DRC10: variants seen among roughly 807,000 people sequenced by gnomAD.
DRC10 encodes IQ domain-containing protein D.
chr12:113,207,794 C>A, the DRC10 span: 2 of 1,614,158 alleles, frequency 1.2e-6, no homozygotes, highest in East Asian at 2.2e-5. Flanking sequence ...CTGAGCCACC[C>A]TTCCTCCTCA....
At chr12:113,205,165 C>CTTA in the DRC10 span, among the ~76,000 whole-genome samples, 49 of 151,882 alleles carry the variant, frequency 3.2e-4, no homozygotes, top group Non-Finnish European at 6.0e-4. Flanking sequence ...ACCACATGGG[C>CTTA]TTATTTATAA....
At chr12:113,205,642 C>CA in the DRC10 span, among the ~76,000 whole-genome samples, 1 of 152,022 alleles carries the variant, frequency 6.6e-6, no homozygotes, top group African/African-American at 2.4e-5. Context: ...GTAATCCCAG[C>CA]ACTTTGGGAG....
At chr12:113,199,065 GT>G in the DRC10 span, among the ~76,000 whole-genome samples, 1 of 151,984 alleles carries the variant, frequency 6.6e-6, no homozygotes, top group Non-Finnish European at 1.5e-5. Flanking sequence ...AGCCTCCCAA[GT>G]AGCTGGGATT....
chr12:113,217,785 GC>G, the DRC10 span, among the ~76,000 whole-genome samples: 1 of 152,184 alleles, frequency 6.6e-6, no homozygotes, highest in Non-Finnish European at 1.5e-5. Flanking sequence ...ACCTTCCTTG[GC>G]CTCCCAAAGT....
chr12:113,211,564 G>A, the DRC10 span, among the ~76,000 whole-genome samples: 1 of 152,104 alleles, frequency 6.6e-6, no homozygotes, highest in East Asian at 1.9e-4. Context: ...AGGAGTTTGA[G>A]GATGCAGTGA....
At chr12:113,214,527 A>AAG in the DRC10 span, among the ~76,000 whole-genome samples, 2 of 151,518 alleles carry the variant, frequency 1.3e-5, no homozygotes, top group African/African-American at 4.8e-5. Flanking sequence ...AAAAAAAAAA[A>AAG]AGAGAAAAAA....
the DRC10 span, among the ~76,000 whole-genome samples, chr12:113,215,711 T>C: frequency 4.6e-5 from 7 of 152,218 alleles, no homozygotes; most frequent in Non-Finnish European, 7.3e-5. Context: ...TCTGGTTATA[T>C]CTAAGTGTAG....
At chr12:113,209,054 C>G in the DRC10 span, among the ~76,000 whole-genome samples, 1 of 152,156 alleles carries the variant, frequency 6.6e-6, no homozygotes. Context: ...GCCTCAGCCT[C>G]CTGAGCAGCT....
the DRC10 span, chr12:113,200,354 T>C: frequency 4.4e-6 from 3 of 681,928 alleles, no homozygotes; most frequent in Admixed American, 6.1e-5. Context: ...GTTTGTCCCC[T>C]GTCCCCAGGC....
chr12:113,207,624 C>T, the DRC10 span: 1 of 1,614,132 alleles, frequency 6.2e-7, no homozygotes, highest in Non-Finnish European at 8.5e-7. Flanking sequence ...CAATAAAATT[C>T]TGGGCTTCTG....
At chr12:113,205,316 T>C in the DRC10 span, among the ~76,000 whole-genome samples, 2 of 148,098 alleles carry the variant, frequency 1.4e-5, no homozygotes, top group Non-Finnish European at 3.0e-5. Context: ...GCAGATCACT[T>C]AGGGTCAGGA....
the DRC10 span, among the ~76,000 whole-genome samples, chr12:113,196,718 C>T: frequency 6.6e-6 from 1 of 152,246 alleles, no homozygotes; most frequent in East Asian, 1.9e-4. Context: ...CCAGTGCTCC[C>T]CAGTCCTCCC....
the DRC10 span, among the ~76,000 whole-genome samples, chr12:113,218,482 C>T: frequency 2.5e-4 from 38 of 150,462 alleles, no homozygotes; most frequent in African/African-American, 8.3e-4. Context: ...TACTCTGTCA[C>T]GCAGGCTAGA....
the DRC10 span, among the ~76,000 whole-genome samples, chr12:113,215,610 C>A: frequency 1.3e-5 from 2 of 152,160 alleles, no homozygotes; most frequent in Non-Finnish European, 2.9e-5. Context: ...TTAAATCACT[C>A]CCCATTGTCC....
At chr12:113,211,001 A>G in the DRC10 span, among the ~76,000 whole-genome samples, 1 of 152,182 alleles carries the variant, frequency 6.6e-6, no homozygotes, top group Non-Finnish European at 1.5e-5. Context: ...GGCCCTTAAG[A>G]AACTATGGCA....
chr12:113,206,622 T>C, the DRC10 span, among the ~76,000 whole-genome samples: 3 of 152,072 alleles, frequency 2.0e-5, no homozygotes, highest in Non-Finnish European at 4.4e-5. Context: ...CTAGCCTTGC[T>C]GAGAGATCCT....
At chr12:113,217,752 G>A in the DRC10 span, among the ~76,000 whole-genome samples, 17 of 152,284 alleles carry the variant, frequency 1.1e-4, no homozygotes, top group African/African-American at 4.1e-4. Flanking sequence ...GGCTGGTCTT[G>A]AACTCCCGGG....
At chr12:113,197,441 C>A in the DRC10 span, 1 of 786,570 alleles carries the variant, frequency 1.3e-6, no homozygotes, top group Non-Finnish European at 2.1e-6. Context: ...CAGAAGTTTG[C>A]CCACTCCATG....
At chr12:113,218,498 G>A in the DRC10 span, among the ~76,000 whole-genome samples, 1 of 150,938 alleles carries the variant, frequency 6.6e-6, no homozygotes, top group African/African-American at 2.4e-5. Flanking sequence ...CTAGAGTGCA[G>A]CAGTGCAACC....
Sources: allele counts gnomAD v4.1 joint callset (sites outside exome capture counted in the v4.1 genomes callset), GRCh38; gene constraint gnomAD v4.1.1; transcripts MANE v1.5; gene names NCBI Gene and HGNC (gene_info 2026-07-23, HGNC 2026-07-21).